Variants in MRNIP observed in about 807,000 individuals in gnomAD.
MRNIP encodes the protein MRN complex interacting protein, also known as MRN complex-interacting protein.
MRNIP carries 30 observed loss-of-function variants against 29.8 expected under a neutral mutation model. The ratio of observed to expected loss-of-function variants is 1.01; its 90% CI spans 0.75 to 1.36. The LOEUF (loss-of-function observed/expected upper bound fraction) is 1.36. Among genes scored for constraint, MRNIP ranks in the 40% most tolerant of loss-of-function variants. The pLI, the probability that MRNIP is intolerant of heterozygous loss-of-function variation, is 0.00. For synonymous variants in MRNIP, 201 were observed against 164.1 expected, an observed-to-expected ratio of 1.23 and a Z score of -1.72; for missense variants, 459 against 423.5, an observed-to-expected ratio of 1.08 and a Z score of -0.74.
intron 6 of MRNIP, chr5:179,840,508 C>T (rs1758833271): frequency 2.5e-6 from 1 of 407,644 alleles, no homozygotes; most frequent in Admixed American, 4.3e-5. Context: ...AAGCATCTCC[C>T]AGGATTCAGG....
At chr5:179,841,669 A>G in intron 5 of MRNIP, 1 of 554,708 alleles carries the variant, frequency 1.8e-6, no homozygotes, top group South Asian at 2.2e-5. Context: ...TTAAGTGGGC[A>G]TCATAAAGGG....
At chr5:179,842,543 A>AC in intron 4 of MRNIP, among the ~76,000 whole-genome samples, 1 of 150,330 alleles carries the variant, frequency 6.7e-6, no homozygotes, top group East Asian at 2.0e-4. Flanking sequence ...CAAAAAAAAA[A>AC]CAAAAAATTA....
At chr5:179,845,543 T>C (rs560449318) in intron 3 of MRNIP, among the ~76,000 whole-genome samples, 1 of 151,876 alleles carries the variant, frequency 6.6e-6, no homozygotes, top group South Asian at 2.1e-4. Context: ...CAGGCCTCAC[T>C]TGAGCCTGGG....
At chr5:179,842,764 G>A (rs981366512) in intron 4 of MRNIP, among the ~76,000 whole-genome samples, 2 of 148,568 alleles carry the variant, frequency 1.3e-5, no homozygotes, top group African/African-American at 5.0e-5. Flanking sequence ...CAGGCGCGGT[G>A]GCTCACACCT....
rs1400079066 is a variant in MRNIP at position 179,837,348 on chromosome 5, C to T, written c.*43G>A. The T allele has an allele frequency of 2.5e-6, 4 of 1,582,772 alleles. No individual in the cohort carries two copies. Among genetic ancestry groups the T allele is most frequent in the Non-Finnish European group, 3.4e-6 (4 of 1,164,270 alleles). On this transcript the variant is annotated 3_prime_UTR_variant, in exon 7 of 7. Transcript: ENST00000292586. ...AAAGTGCCTTAGGGGAACCCTGTCC[C>T]TCCTAACAAGTGTATCTCGATTAAT...
At chr5:179,848,128 C>A in intron 2 of MRNIP, 62 bp from the exon 3 acceptor site, 1 of 1,245,498 alleles carries the variant, frequency 8.0e-7, no homozygotes, top group South Asian at 1.2e-5. Flanking sequence ...GAAACAGATC[C>A]ATTTGAGATG....
Position 179,837,997 on chromosome 5 carries a change from T to C in MRNIP, c.538-112A>G, listed in dbSNP as rs1003016539. On this transcript the variant is annotated intron_variant, in intron 6 of 6. Coordinates refer to ENST00000292586, the MANE Select transcript of MRNIP (RefSeq NM_016175.4). ...GGCCTCTGGTTCTGACACTTTCTGC[T>C]GGAAGCTGTCAGGCTGGGACAGGCT... 4.8e-6 allele frequency: 5 copies of C among 1,032,908 alleles called. No individual in the cohort carries two copies. The African/African-American group carries it at 8.0e-5, about 17-fold the overall frequency. 64.0% of individuals were successfully genotyped at this position (1,032,908 alleles called of 1,614,324 possible).
chr5:179,852,119 A>G (rs530688424), intron 2 of MRNIP, among the ~76,000 whole-genome samples: 3 of 152,138 alleles, frequency 2.0e-5, no homozygotes, highest in African/African-American at 7.2e-5. Context: ...CGTCTCTATT[A>G]AACATACAAA....
At chr5:179,843,036 A>G (rs1758964783) in intron 4 of MRNIP, among the ~76,000 whole-genome samples, 1 of 87,626 alleles carries the variant, frequency 1.1e-5, no homozygotes, top group African/African-American at 6.7e-5. Context: ...TGTCGAAAGG[A>G]GGAAAGAAGG....
chr5:179,841,913 C>G lies in MRNIP; in HGVS notation c.443G>C (p.Arg148Thr). 6.2e-7 allele frequency: 1 copy of G among 1,613,568 alleles called. No homozygotes were observed. The change falls in exon 5 of 7, where the codon AGA becomes ACA. Residue 148 changes from arginine to threonine, a missense_variant. Arg to Thr is a moderately conservative substitution (Grantham distance 71, BLOSUM62 -1). Transcript: ENST00000292586. ...PGPRFSQDLPRKRKWSRSTVQ... is the reference protein window; with the variant it reads ...PGPRFSQDLPTKRKWSRSTVQ... The stretch of plus-strand genomic sequence containing the variant: ...ACGGAGACGCACTTGGTACCTTTTT[C>G]TAGGCAGGTCTTGACTGAAGCGGGG...
intron 3 of MRNIP, among the ~76,000 whole-genome samples, chr5:179,846,310 A>G: frequency 6.9e-6 from 1 of 144,962 alleles, no homozygotes; most frequent in Non-Finnish European, 1.5e-5. Context: ...TTTGAGATGG[A>G]GTCTCACTCT....
At chr5:179,844,045 T>C (rs990179932) in intron 4 of MRNIP, 107 bp downstream of exon 4, 8 of 882,648 alleles carry the variant, frequency 9.1e-6, no homozygotes, top group Admixed American at 6.2e-5. Flanking sequence ...CTGCCTGTCA[T>C]TGGGTGGCAT....
intron 2 of MRNIP, among the ~76,000 whole-genome samples, chr5:179,848,701 C>T (rs1165084023): frequency 1.3e-5 from 2 of 152,102 alleles, no homozygotes; most frequent in Non-Finnish European, 2.9e-5. Flanking sequence ...GGAAAGAGGT[C>T]GTACATAAGA....
chr5:179,841,579 TTC>T (rs1347607214), intron 5 of MRNIP: 3 of 277,878 alleles, frequency 1.1e-5, no homozygotes, highest in Admixed American at 4.9e-5. Context: ...AGGCCTCTGC[TTC>T]TCTGAGCTAA....
intron 2 of MRNIP, chr5:179,851,554 A>C (rs747514447): frequency 5.6e-5 from 24 of 425,186 alleles, no homozygotes; most frequent in Non-Finnish European, 9.6e-5. Flanking sequence ...TAGTTTTTCA[A>C]GGGACCGGGG....
intron 4 of MRNIP, among the ~76,000 whole-genome samples, chr5:179,842,788 C>T (rs60347968): frequency 0.015 from 2,276 of 148,878 alleles, 27 homozygotes; most frequent in Middle Eastern, 0.032. Flanking sequence ...ACCCTAGCAC[C>T]GTGGGAGGCT....
At chr5:179,857,605 A>G (rs906314373) in intron 1 of MRNIP, among the ~76,000 whole-genome samples, 6 of 152,240 alleles carry the variant, frequency 3.9e-5, no homozygotes, top group African/African-American at 1.4e-4. Context: ...CCGAAAGAAA[A>G]TAAGTAAAAA....
rs1451517595 is a variant in MRNIP, at chr5:179,837,897, G to A, written c.538-12C>T. The A allele has an allele frequency of 3.1e-6, 5 of 1,598,620 alleles. No homozygotes were observed. Among genetic ancestry groups the A allele is most frequent in the Admixed American group, 3.3e-5 (2 of 59,886 alleles). On this transcript the variant is annotated splice_polypyrimidine_tract_variant and intron_variant, in intron 6 of 6. Transcript: ENST00000292586. ...AGGCCAGCCTGTCCCTGAAAGAGAAGATGGCCATGCCCTCCATGTGTAAGA... is the reference window on the plus strand; with the variant it reads ...AGGCCAGCCTGTCCCTGAAAGAGAAAATGGCCATGCCCTCCATGTGTAAGA...
At chr5:179,843,718 C>T (rs552180980) in intron 4 of MRNIP, among the ~76,000 whole-genome samples, 10 of 151,676 alleles carry the variant, frequency 6.6e-5, no homozygotes, top group East Asian at 5.8e-4. Context: ...CCAGCCTGGG[C>T]GACAGAGTGA....
Sources: allele counts gnomAD v4.1 joint callset (sites outside exome capture counted in the v4.1 genomes callset), GRCh38; gene constraint gnomAD v4.1.1; transcripts MANE v1.5; gene names NCBI Gene and HGNC (gene_info 2026-07-23, HGNC 2026-07-21).